Variants in BACH2 observed in about 807,000 individuals in gnomAD.
BACH2 encodes the protein transcription regulator protein BACH2.
A neutral mutation model predicts 61.8 loss-of-function variants in BACH2; 5 were observed. That is an observed-to-expected ratio of 0.08 (90% CI 0.04 to 0.17). The LOEUF is 0.17. BACH2 is among the 10% of genes least tolerant of loss of function. The probability of loss-of-function intolerance (pLI) is 1.00; values close to 1 mark genes in which losing one functional copy is unlikely to be tolerated. For synonymous variants in BACH2, 446 were observed against 440.1 expected, an observed-to-expected ratio of 1.01 and a Z score of -0.17; for missense variants, 824 against 1,091.1, an observed-to-expected ratio of 0.76 and a Z score of 3.45.
At chr6:89,964,086 C>T (rs556422592) in intron 6 of BACH2, among the ~76,000 whole-genome samples, 60 of 151,818 alleles carry the variant, frequency 4.0e-4, no homozygotes, top group South Asian at 8.3e-4. Context: ...GGGATAGCAT[C>T]GGGAGATATA....
chr6:90,007,698 A>G (rs1289365047), intron 6 of BACH2, among the ~76,000 whole-genome samples: 1 of 152,170 alleles, frequency 6.6e-6, no homozygotes, highest in East Asian at 1.9e-4. Context: ...GCTTAGTCAA[A>G]CACCACACAA....
At position 90,247,246 on chromosome 6, in the gene BACH2, C is replaced by CT. The variant is rs1269813491; in HGVS notation, c.-275+5266dup. Among the ~76,000 whole-genome samples, 447 of 141,120 alleles carry CT rather than the reference C, an allele frequency of 3.2e-3. 2 individuals are homozygous for CT. Among genetic ancestry groups the CT allele is most frequent in the East Asian group, 0.012 (57 of 4,912 alleles). 92.6% of individuals were successfully genotyped at this position (141,120 alleles called of 152,430 possible). On this transcript the variant is annotated intron_variant, in intron 3 of 8. Coordinates refer to ENST00000257749, the MANE Select transcript of BACH2 (RefSeq NM_021813.4). ...AAGTATCAATTTCTTTCTTCTTCTTCTTTTTTTTTTTTTTGTAGAGATGGT... is the reference window on the plus strand; with the variant it reads ...AAGTATCAATTTCTTTCTTCTTCTTCTTTTTTTTTTTTTTTGTAGAGATGGT...
chr6:90,224,209 A>G (rs1374180838), intron 3 of BACH2, among the ~76,000 whole-genome samples: 2 of 152,252 alleles, frequency 1.3e-5, no homozygotes, highest in Non-Finnish European at 2.9e-5. Flanking sequence ...ATCACTAATG[A>G]TAATTTGACA....
At chr6:89,969,024 A>G (rs937831621) in intron 6 of BACH2, among the ~76,000 whole-genome samples, 1 of 151,962 alleles carries the variant, frequency 6.6e-6, no homozygotes, top group Non-Finnish European at 1.5e-5. Context: ...AAATAATAAA[A>G]AAAGAATGTG....
chr6:90,219,677 A>G (rs1769670948), intron 3 of BACH2, among the ~76,000 whole-genome samples: 1 of 152,182 alleles, frequency 6.6e-6, no homozygotes, highest in South Asian at 2.1e-4. Context: ...CTGAGTGCTG[A>G]CACTTGATCC....
intron 3 of BACH2, among the ~76,000 whole-genome samples, chr6:90,231,090 G>C (rs531630984): frequency 3.9e-5 from 6 of 152,272 alleles, no homozygotes; most frequent in African/African-American, 1.2e-4. Context: ...CCAGCTGAAA[G>C]GGAGGACACA....
chr6:90,038,390 C>A (rs780695529), intron 5 of BACH2, among the ~76,000 whole-genome samples: 2 of 152,090 alleles, frequency 1.3e-5, no homozygotes, highest in African/African-American at 4.8e-5. Flanking sequence ...TCTTTTTGAA[C>A]TTTAAAGAAA....
intron 4 of BACH2, among the ~76,000 whole-genome samples, chr6:90,136,527 G>A (rs996056969): frequency 6.6e-6 from 1 of 152,114 alleles, no homozygotes; most frequent in Non-Finnish European, 1.5e-5. Context: ...AGGCACCCTA[G>A]AAACACCCCT....
At chr6:90,234,855 T>C (rs1364902561) in intron 3 of BACH2, among the ~76,000 whole-genome samples, 1 of 152,194 alleles carries the variant, frequency 6.6e-6, no homozygotes, top group Non-Finnish European at 1.5e-5. Flanking sequence ...AGAGGCAGCC[T>C]AGGGCCAAAT....
chr6:89,966,419 G>A (rs1032340898), intron 6 of BACH2, among the ~76,000 whole-genome samples: 16 of 152,194 alleles, frequency 1.1e-4, no homozygotes, highest in Non-Finnish European at 5.9e-5. Context: ...GATTTAAACA[G>A]CAGCCATTAA....
chr6:90,117,790 C>T (rs1783464550), intron 4 of BACH2, among the ~76,000 whole-genome samples: 1 of 152,098 alleles, frequency 6.6e-6, no homozygotes, highest in African/African-American at 2.4e-5. Context: ...AGTTCCTGTG[C>T]TTGATTTTCA....
intron 4 of BACH2, among the ~76,000 whole-genome samples, chr6:90,128,462 T>G (rs1307558397): frequency 2.6e-5 from 4 of 152,166 alleles, no homozygotes; most frequent in Admixed American, 6.5e-5. Context: ...GCGCCTGTAG[T>G]CCCAGCTACT....
intron 5 of BACH2, among the ~76,000 whole-genome samples, chr6:90,037,319 C>T (rs532832433): frequency 2.6e-5 from 4 of 152,294 alleles, no homozygotes; most frequent in South Asian, 4.1e-4. Context: ...CCAATATCAT[C>T]GCTTTATGAT....
At chr6:90,066,405 G>T (rs1267505329) in intron 5 of BACH2, among the ~76,000 whole-genome samples, 1 of 152,130 alleles carries the variant, frequency 6.6e-6, no homozygotes, top group East Asian at 1.9e-4. Context: ...GACTTTCAGG[G>T]ATTTGAAGCT....
At chr6:90,010,081 C>T (rs558546232) in intron 5 of BACH2, among the ~76,000 whole-genome samples, 44 of 152,180 alleles carry the variant, frequency 2.9e-4, no homozygotes, top group African/African-American at 9.6e-4. Context: ...TTCTTTTTGG[C>T]TTTCTTATTT....
intron 4 of BACH2, among the ~76,000 whole-genome samples, chr6:90,114,132 A>C (rs1783294654): frequency 6.6e-6 from 1 of 152,088 alleles, no homozygotes; most frequent in South Asian, 2.1e-4. Context: ...TATTCCAAAA[A>C]ATTAGGAGAG....
At chr6:90,054,276 C>A (rs769100386) in intron 5 of BACH2, among the ~76,000 whole-genome samples, 1 of 152,208 alleles carries the variant, frequency 6.6e-6, no homozygotes, top group African/African-American at 2.4e-5. Context: ...CCTAATACTG[C>A]GCTTTTCAAA....
At chr6:89,986,363 T>A (rs183119557) in intron 6 of BACH2, among the ~76,000 whole-genome samples, 1 of 152,258 alleles carries the variant, frequency 6.6e-6, no homozygotes, top group African/African-American at 2.4e-5. Context: ...TTGTTCAACT[T>A]GCTTTCTCTG....
At chr6:90,170,231 AAAAT>A (rs1767766258) in intron 4 of BACH2, among the ~76,000 whole-genome samples, 1 of 152,220 alleles carries the variant, frequency 6.6e-6, no homozygotes, top group African/African-American at 2.4e-5. Context: ...TCTTCTTTAA[AAAAT>A]AAATAATATT....
Sources: allele counts gnomAD v4.1 joint callset (sites outside exome capture counted in the v4.1 genomes callset), GRCh38; gene constraint gnomAD v4.1.1; transcripts MANE v1.5; gene names NCBI Gene and HGNC (gene_info 2026-07-23, HGNC 2026-07-21).